Variants in PNPT1 observed in about 807,000 individuals in gnomAD.
PNPT1 encodes the protein polyribonucleotide nucleotidyltransferase 1, also known as polyribonucleotide nucleotidyltransferase 1, mitochondrial.
PNPT1 carries 53 observed loss-of-function variants against 119.5 expected under a neutral mutation model. That is an observed-to-expected ratio of 0.44 (90% CI 0.36 to 0.56). The LOEUF (loss-of-function observed/expected upper bound fraction) is 0.56. Among genes scored for constraint, PNPT1 ranks in the 20% least tolerant of loss-of-function variants. The pLI, the probability that PNPT1 is intolerant of heterozygous loss-of-function variation, is 0.00. For missense variants in PNPT1, 948 were observed against 938.5 expected (o/e 1.01, Z -0.13); for synonymous variants, 357 against 322.1 (o/e 1.11, Z -1.16).
chr2:55,683,055 A>G (rs1373184121), intron 5 of PNPT1, among the ~76,000 whole-genome samples: 1 of 152,246 alleles, frequency 6.6e-6, no homozygotes, highest in Non-Finnish European at 1.5e-5. Flanking sequence ...AGTATTATTC[A>G]GGAAGTATTA....
At position 55,692,406 on chromosome 2, in the gene PNPT1, C is replaced by A. The variant is rs1426516724; in HGVS notation, c.161+1257G>T. Among the ~76,000 whole-genome samples, 5 of 152,112 alleles carry A rather than the reference C, an allele frequency of 3.3e-5. No individual in the cohort carries two copies. In the East Asian group the frequency reaches 7.7e-4, roughly 23 times the overall value. On this transcript the variant is annotated intron_variant, in intron 1 of 27. Coordinates refer to ENST00000447944, the MANE Select transcript of PNPT1 (RefSeq NM_033109.5). ...ACCTGGATTCAAAATGATTTTTTTG[C>A]TTTTTGTATGAACTGGGGTCCAAAT...
intron 13 of PNPT1, among the ~76,000 whole-genome samples, chr2:55,663,793 A>T (rs1178921680): frequency 6.6e-6 from 1 of 152,026 alleles, no homozygotes; most frequent in Non-Finnish European, 1.5e-5. Context: ...CCTGGCTAAC[A>T]TGGTGAAACC....
At chr2:55,679,936 A>G in intron 7 of PNPT1, 141 bp from the exon 8 acceptor site, 1 of 614,908 alleles carries the variant, frequency 1.6e-6, no homozygotes, top group Non-Finnish European at 2.8e-6. Flanking sequence ...TAAGACCCAC[A>G]GAACATCCTA....
chr2:55,666,632 G>A (rs554982793), intron 13 of PNPT1, among the ~76,000 whole-genome samples: 6 of 152,130 alleles, frequency 3.9e-5, no homozygotes, highest in Non-Finnish European at 7.4e-5. Flanking sequence ...TTGAGGCCAA[G>A]AGTTTGAGAC....
chr2:55,683,965 G>A (rs1022967845), intron 4 of PNPT1, 131 bp from the exon 5 acceptor site: 15 of 764,594 alleles, frequency 2.0e-5, no homozygotes, highest in Admixed American at 2.9e-5. Flanking sequence ...TTTACTAAGA[G>A]GGACACAGAT....
rs1206610073 is a variant in PNPT1 at position 55,665,138 on chromosome 2, G to C, written c.1176+1853C>G. 2.0e-5 allele frequency among the ~76,000 whole-genome samples: 3 copies of C among 152,222 alleles called. No individual in the cohort carries two copies. In the East Asian group the frequency reaches 5.8e-4, roughly 29 times the overall value. ...TCACGTAACAATGAAAAAGGATATA[G>C]TTTAACATGCATTTATAAACTTTGA... On this transcript the variant is annotated intron_variant, in intron 13 of 27. Coordinates refer to ENST00000447944, the MANE Select transcript of PNPT1 (RefSeq NM_033109.5).
chr2:55,654,763 A>G, intron 18 of PNPT1, 137 bp downstream of exon 18: 1 of 673,268 alleles, frequency 1.5e-6, no homozygotes, highest in East Asian at 2.7e-5. Flanking sequence ...TTTTGTAGAG[A>G]TGAGGTCTTG....
chr2:55,646,391 A>G (rs764163315), intron 20 of PNPT1, 24 bp downstream of exon 20: 2 of 1,607,310 alleles, frequency 1.2e-6, no homozygotes, highest in Admixed American at 3.4e-5. Context: ...TACAAAAATG[A>G]AACAAAATGG....
intron 14 of PNPT1, 132 bp downstream of exon 14, chr2:55,661,824 A>T (rs138713325): frequency 1.2e-6 from 1 of 813,972 alleles, no homozygotes; most frequent in Non-Finnish European, 1.8e-6. Flanking sequence ...AATCATGATG[A>T]TGTAAACAGA....
At chr2:55,637,999 CAAAA>C (rs890316221) in intron 26 of PNPT1, among the ~76,000 whole-genome samples, 2 of 88,046 alleles carry the variant, frequency 2.3e-5, no homozygotes, top group African/African-American at 4.3e-5. Flanking sequence ...GAATCCGTCT[CAAAA>C]AAAAAAAAAA....
At chr2:55,673,770 T>C (rs1696983611) in intron 8 of PNPT1, among the ~76,000 whole-genome samples, 1 of 151,732 alleles carries the variant, frequency 6.6e-6, no homozygotes, top group Admixed American at 6.6e-5. Flanking sequence ...TAAAAGGCCA[T>C]ATGTATGTCC....
At chr2:55,645,717 A>G (rs1695976310) in intron 21 of PNPT1, among the ~76,000 whole-genome samples, 2 of 152,176 alleles carry the variant, frequency 1.3e-5, no homozygotes, top group South Asian at 4.1e-4. Context: ...TAAAATAGAT[A>G]TGGGATCTCA....
At chr2:55,673,981 C>T (rs1696990648) in intron 8 of PNPT1, among the ~76,000 whole-genome samples, 1 of 152,166 alleles carries the variant, frequency 6.6e-6, no homozygotes, top group Non-Finnish European at 1.5e-5. Flanking sequence ...CCTCAGCCTC[C>T]TAAAGTGCTG....
chr2:55,637,480 C>G lies in PNPT1; in HGVS notation c.2196+72G>C, dbSNP rs1034788632. On this transcript the variant is annotated intron_variant, in intron 27 of 27. Coordinates refer to ENST00000447944, the MANE Select transcript of PNPT1 (RefSeq NM_033109.5). ...TCATAGATGGTGACTCTTCTTTCAA[C>G]TTTTTGAAAAAAACAATGGAAGCTT... The G allele has an allele frequency of 1.5e-5, 21 of 1,411,580 alleles. No individual in the cohort carries two copies. The East Asian group carries it at 4.1e-4, about 28-fold the overall frequency. The allele number at this position is 1,411,580 out of a possible 1,614,324, so 87.4% of individuals were successfully genotyped here.
intron 1 of PNPT1, among the ~76,000 whole-genome samples, chr2:55,689,123 CTTTAA>C (rs1454333961): frequency 8.6e-5 from 13 of 152,008 alleles, no homozygotes; most frequent in African/African-American, 2.9e-4. Flanking sequence ...AAATTTAAAA[CTTTAA>C]TTAAGAAAGT....
intron 27 of PNPT1, among the ~76,000 whole-genome samples, chr2:55,636,966 T>C (rs1057369194): frequency 6.6e-6 from 1 of 152,198 alleles, no homozygotes; most frequent in East Asian, 1.9e-4. Flanking sequence ...GGAGGCTACT[T>C]GGACAATAAG....
Position 55,639,592 on chromosome 2 carries a change from C to G in PNPT1, c.2148+1035G>C, listed in dbSNP as rs111427714. ...TTTATAAAAATAATTTGTTCATGTT[C>G]TTTACTTATTTTTCTATTGATATTC... On this transcript the variant is annotated intron_variant, in intron 26 of 27. Coordinates refer to ENST00000447944, the MANE Select transcript of PNPT1 (RefSeq NM_033109.5). 1.8e-3 allele frequency among the ~76,000 whole-genome samples: 280 copies of G among 152,134 alleles called. 4 individuals carry two copies. The highest frequency in any genetic ancestry group is 6.1e-3 in the African/African-American group (253 of 41,518).
intron 3 of PNPT1, 71 bp downstream of exon 3, chr2:55,686,299 G>T: frequency 1.4e-6 from 2 of 1,438,776 alleles, no homozygotes; most frequent in African/African-American, 1.4e-5. Flanking sequence ...CTAGACACTG[G>T]ACAAAAATAT....
chr2:55,672,160 C>T, intron 9 of PNPT1, 114 bp from the exon 10 acceptor site: 1 of 751,356 alleles, frequency 1.3e-6, no homozygotes, highest in Non-Finnish European at 2.1e-6. Context: ...TTAATAAATA[C>T]TTCAGAAAGA....
Sources: allele counts gnomAD v4.1 joint callset (sites outside exome capture counted in the v4.1 genomes callset), GRCh38; gene constraint gnomAD v4.1.1; transcripts MANE v1.5; gene names NCBI Gene and HGNC (gene_info 2026-07-23, HGNC 2026-07-21).